MTMR12: variants seen among roughly 807,000 people sequenced by gnomAD.
MTMR12 encodes myotubularin-related protein 12.
Under a neutral mutation model 96.7 loss-of-function variants are expected in MTMR12, and 33 were observed. The ratio of observed to expected loss-of-function variants is 0.34; its 90% CI spans 0.26 to 0.46. The LOEUF (loss-of-function observed/expected upper bound fraction) is 0.46, where lower values mean the gene tolerates loss of function less well. MTMR12 is among the 20% of genes least tolerant of loss of function. The pLI is 1.00. For missense variants in MTMR12, 721 were observed against 896.1 expected (o/e 0.80, Z 2.49); for synonymous variants, 298 against 327.2 (o/e 0.91, Z 0.96).
At chr5:32,252,318 A>G (rs561740885) in intron 8 of MTMR12, among the ~76,000 whole-genome samples, 11 of 152,356 alleles carry the variant, frequency 7.2e-5, no homozygotes, top group South Asian at 4.1e-4. Context: ...CAACACTGAG[A>G]ATATACTAAA....
At chr5:32,273,280 G>A (rs1174776954) in intron 3 of MTMR12, among the ~76,000 whole-genome samples, 1 of 152,108 alleles carries the variant, frequency 6.6e-6, no homozygotes, top group Non-Finnish European at 1.5e-5. Context: ...ACACGCCTAT[G>A]GTCCTAGCTA....
At chr5:32,297,533 C>T (rs1750975104) in intron 1 of MTMR12, among the ~76,000 whole-genome samples, 2 of 149,952 alleles carry the variant, frequency 1.3e-5, no homozygotes, top group South Asian at 2.1e-4. Context: ...TTAGACCCTG[C>T]TTTTTTCCTG....
At position 32,276,697 on chromosome 5, in the gene MTMR12, G is replaced by A; in HGVS notation, c.127C>T (p.Leu43Phe). The A allele has an allele frequency of 6.2e-7, 1 of 1,613,774 alleles. No individual in the cohort carries two copies. Among genetic ancestry groups the A allele is most frequent in the South Asian group, 1.1e-5 (1 of 91,066 alleles). ...TGACAGTTACCTGGCAACAAGTGAA[G>A]AGTTACTTCCTTCTCTGTTACTTCC... is the stretch of plus-strand genomic sequence containing the variant. ...EKEVTEKEVT[L>F]HLLPGEQLLC... Residue 43 changes from leucine to phenylalanine, a missense_variant, in exon 2 of 16, where the codon CTT becomes TTT. Coordinates refer to ENST00000382142, the MANE Select transcript of MTMR12 (RefSeq NM_001040446.3).
chr5:32,239,434 T>C (rs1255387522), intron 12 of MTMR12, among the ~76,000 whole-genome samples: 2 of 152,200 alleles, frequency 1.3e-5, no homozygotes, highest in Non-Finnish European at 2.9e-5. Flanking sequence ...ACTGAATAAA[T>C]AAATGCAGCA....
At chr5:32,263,016 T>G (rs1349789168) in intron 7 of MTMR12, 97 bp downstream of exon 7, 4 of 1,417,692 alleles carry the variant, frequency 2.8e-6, no homozygotes, top group Admixed American at 2.2e-5. Flanking sequence ...CTAAATTGAC[T>G]GTGGTGATGA....
chr5:32,289,348 C>T (rs1312642274), intron 1 of MTMR12, among the ~76,000 whole-genome samples: 2 of 152,178 alleles, frequency 1.3e-5, no homozygotes, highest in African/African-American at 4.8e-5. Flanking sequence ...CAATCAATTT[C>T]CAGACTTGAG....
At chr5:32,262,607 C>CAAACAA (rs530902839) in intron 7 of MTMR12, among the ~76,000 whole-genome samples, 143 of 152,002 alleles carry the variant, frequency 9.4e-4, no homozygotes, top group African/African-American at 3.2e-3. Flanking sequence ...GACCCTGTCT[C>CAAACAA]AAACAAAAAC....
intron 14 of MTMR12, 155 bp downstream of exon 14, chr5:32,234,807 G>A (rs886311585): frequency 2.3e-5 from 14 of 602,434 alleles, no homozygotes; most frequent in South Asian, 1.8e-4. Context: ...TCATCCTCTC[G>A]CAGGGGCCAT....
At chr5:32,286,594 G>A (rs967154795) in intron 1 of MTMR12, among the ~76,000 whole-genome samples, 1 of 152,026 alleles carries the variant, frequency 6.6e-6, no homozygotes, top group South Asian at 2.1e-4. Flanking sequence ...TAAGTAATGA[G>A]TGCTGTAAGT....
Position 32,233,902 on chromosome 5 carries a change from A to G in MTMR12, c.1545T>C (p.Pro515=). 6.2e-7 allele frequency: 1 copy of G among 1,614,174 alleles called. No individual in the cohort carries two copies. ...GREGQDTQSK[P]LNLLTVWDWS... is the part of the protein sequence containing the mutation. ...AATCCCACACGGTGAGCAGATTCAA[A>G]GGCTTGCTTTGTGTATCCTGGCCTT... Residue 515 remains proline (P), a synonymous_variant, in exon 15 of 16, where the codon CCT becomes CCC. Coordinates refer to ENST00000382142, the MANE Select transcript of MTMR12 (RefSeq NM_001040446.3). The surrounding 1 kb of genome is among the most constrained non-coding windows in gnomAD (Gnocchi z 5.0).
At chr5:32,299,637 T>G (rs998171312) in intron 1 of MTMR12, among the ~76,000 whole-genome samples, 2 of 152,096 alleles carry the variant, frequency 1.3e-5, no homozygotes, top group Admixed American at 6.5e-5. Flanking sequence ...AGATGAGAGG[T>G]GCCCACAGGC....
At chr5:32,277,812 T>C (rs1410441786) in intron 1 of MTMR12, among the ~76,000 whole-genome samples, 1 of 152,162 alleles carries the variant, frequency 6.6e-6, no homozygotes, top group Non-Finnish European at 1.5e-5. Context: ...TGAAAGAATA[T>C]GGACACATAA....
intron 1 of MTMR12, among the ~76,000 whole-genome samples, chr5:32,299,346 T>C (rs1011158222): frequency 7.9e-5 from 12 of 152,206 alleles, no homozygotes; most frequent in Non-Finnish European, 1.3e-4. Flanking sequence ...ACCAAAGCCA[T>C]GCTCTTAACT....
intron 4 of MTMR12, 87 bp from the exon 5 acceptor site, chr5:32,271,034 C>CAT: frequency 7.1e-7 from 1 of 1,408,900 alleles, no homozygotes; most frequent in Non-Finnish European, 9.6e-7. Context: ...TGATCAACTT[C>CAT]TAGGGATACT....
chr5:32,261,740 A>G (rs1418205949), intron 7 of MTMR12, among the ~76,000 whole-genome samples: 2 of 152,228 alleles, frequency 1.3e-5, no homozygotes. Flanking sequence ...AAGGCAGTCA[A>G]AAATTTTTGG....
chr5:32,291,108 G>A (rs1461915257), intron 1 of MTMR12, among the ~76,000 whole-genome samples: 6 of 152,134 alleles, frequency 3.9e-5, no homozygotes, highest in East Asian at 3.9e-4. Flanking sequence ...ACCTGCCACC[G>A]TACCTTCTGT....
chr5:32,242,203 G>A, intron 11 of MTMR12, 76 bp from the exon 12 acceptor site: 1 of 1,019,844 alleles, frequency 9.8e-7, no homozygotes, highest in South Asian at 1.7e-5. Flanking sequence ...AGTTGAGAGA[G>A]AGTCTGACTT....
At chr5:32,239,834 C>G (rs1413881826) in intron 12 of MTMR12, among the ~76,000 whole-genome samples, 1 of 152,224 alleles carries the variant, frequency 6.6e-6, no homozygotes, top group Non-Finnish European at 1.5e-5. Context: ...GACAAACTCT[C>G]CTTGGTCTAC....
rs1221447099 is a variant in MTMR12 at position 32,260,729 on chromosome 5, C to CG, written c.713+2383dup. On this transcript the variant is annotated intron_variant, in intron 7 of 15. Transcript: ENST00000382142. ...CTCACACTGTGAAGGCACTGCAGGG[C>CG]GGGGGGGAGGGGGACCAGTGGCAGC... 3.3e-4 allele frequency among the ~76,000 whole-genome samples: 40 copies of CG among 120,450 alleles called. 2 individuals are homozygous for CG. Among genetic ancestry groups the CG allele is most frequent in the Admixed American group, 1.9e-3 (24 of 12,548 alleles). 79.0% of individuals were successfully genotyped at this position (120,450 alleles called of 152,430 possible).
Sources: allele counts gnomAD v4.1 joint callset (sites outside exome capture counted in the v4.1 genomes callset), GRCh38; gene constraint gnomAD v4.1.1; non-coding constraint Gnocchi (gnomAD v3.1); transcripts MANE v1.5; gene names NCBI Gene and HGNC (gene_info 2026-07-23, HGNC 2026-07-21).